The following NDUFAF6 variants were observed in gnomAD, a reference collection of about 807,000 sequenced individuals.
NDUFAF6 encodes NADH dehydrogenase (ubiquinone) complex I, assembly factor 6.
NDUFAF6 carries 45 observed loss-of-function variants against 40.8 expected under a neutral mutation model. That is an observed-to-expected ratio of 1.10 (90% CI 0.87 to 1.42). NDUFAF6 has a LOEUF of 1.42. Ranked by LOEUF, NDUFAF6 falls within the 40% of genes most tolerant of loss-of-function variation. The pLI, the probability that NDUFAF6 is intolerant of heterozygous loss-of-function variation, is 0.00. For missense variants in NDUFAF6, 435 were observed against 418.5 expected (o/e 1.04, Z -0.34); for synonymous variants, 185 against 155.9 (o/e 1.19, Z -1.39).
At chr8:94,920,404 G>T (rs1819421273) in intron 1 of NDUFAF6, among the ~76,000 whole-genome samples, 1 of 152,208 alleles carries the variant, frequency 6.6e-6, no homozygotes, top group Non-Finnish European at 1.5e-5. Flanking sequence ...GGCTCCTCTT[G>T]CAGTATCCTC....
chr8:95,004,349 C>CT (rs11422482), intron 2 of NDUFAF6, among the ~76,000 whole-genome samples: 54,074 of 91,660 alleles, frequency 0.59, 16,920 homozygotes, highest in East Asian at 0.77. Flanking sequence ...CTCACCATTA[C>CT]TTTTTTTTTT....
At chr8:95,054,732 G>A (rs1412596596) in intron 8 of NDUFAF6, among the ~76,000 whole-genome samples, 1 of 152,206 alleles carries the variant, frequency 6.6e-6, no homozygotes, top group Non-Finnish European at 1.5e-5. Context: ...ACTGTGCCCA[G>A]CCCCAGCTCT....
chr8:95,047,204 T>TA (rs1830875315), intron 6 of NDUFAF6, 77 bp downstream of exon 6: 16 of 1,595,522 alleles, frequency 1.0e-5, no homozygotes, highest in Non-Finnish European at 1.4e-5. Flanking sequence ...CTTTTTTGCT[T>TA]AGTCTATTCA....
intron 2 of NDUFAF6, among the ~76,000 whole-genome samples, chr8:94,947,751 A>G (rs1822148328): frequency 6.6e-6 from 1 of 152,246 alleles, no homozygotes; most frequent in Non-Finnish European, 1.5e-5. Flanking sequence ...ATAATCTTGA[A>G]TTTTGAAAGC....
chr8:94,992,773 T>C (rs1826252349), intron 2 of NDUFAF6, among the ~76,000 whole-genome samples: 1 of 152,236 alleles, frequency 6.6e-6, no homozygotes, highest in Admixed American at 6.5e-5. Context: ...CGCTCATAAT[T>C]CTCTGATCCT....
At chr8:95,032,232 T>C (rs1382323022) in intron 2 of NDUFAF6, 138 bp downstream of exon 2, 2 of 763,378 alleles carry the variant, frequency 2.6e-6, no homozygotes, top group Admixed American at 2.0e-5. Flanking sequence ...TTTTCCCTGC[T>C]AACTGTTTAG....
chr8:95,017,684 T>C (rs905940517), intron 2 of NDUFAF6, among the ~76,000 whole-genome samples: 1 of 152,208 alleles, frequency 6.6e-6, no homozygotes, highest in African/African-American at 2.4e-5. Context: ...ATAACAAAAG[T>C]GTTTATCTGC....
At chr8:95,095,810 G>A (rs1186455113), upstream of NDUFAF6, among the ~76,000 whole-genome samples, 1 of 151,856 alleles carries the variant, frequency 6.6e-6, no homozygotes, top group African/African-American at 2.4e-5. Context: ...GATTACAGGC[G>A]CCTGCCACCA....
chr8:94,905,454 TGA>T (rs1563697113), intron 1 of NDUFAF6, among the ~76,000 whole-genome samples: 1 of 152,116 alleles, frequency 6.6e-6, no homozygotes, highest in Admixed American at 6.5e-5. Context: ...TCTGTTGTAG[TGA>T]GAGGCCTACT....
At chr8:94,912,055 G>GT (rs1818818654) in intron 1 of NDUFAF6, among the ~76,000 whole-genome samples, 1 of 152,124 alleles carries the variant, frequency 6.6e-6, no homozygotes, top group African/African-American at 2.4e-5. Flanking sequence ...CATTTAGGAG[G>GT]TATTACCACC....
chr8:94,931,717 G>A (rs1450954679), intron 1 of NDUFAF6, among the ~76,000 whole-genome samples: 1 of 152,152 alleles, frequency 6.6e-6, no homozygotes, highest in African/African-American at 2.4e-5. Flanking sequence ...GCTCGCTCTT[G>A]TAATCCCAAC....
chr8:95,076,407 G>A (rs149603323), downstream of NDUFAF6, among the ~76,000 whole-genome samples: 79 of 152,274 alleles, frequency 5.2e-4, no homozygotes, highest in African/African-American at 1.7e-3. Context: ...TGCCCTGGTC[G>A]TGCCAGTCTC....
intron 1 of NDUFAF6, among the ~76,000 whole-genome samples, chr8:94,969,082 A>C (rs905068104): frequency 1.3e-5 from 2 of 152,158 alleles, no homozygotes; most frequent in African/African-American, 4.8e-5. Flanking sequence ...TGGAGTCTGG[A>C]GTTCCGATGA....
intron 2 of NDUFAF6, among the ~76,000 whole-genome samples, chr8:94,952,746 A>G (rs1217129842): frequency 6.6e-6 from 1 of 152,232 alleles, no homozygotes; most frequent in Non-Finnish European, 1.5e-5. Context: ...AAGACCCTGC[A>G]ACCTTTGTGA....
At chr8:94,924,395 T>C (rs1450318632) in intron 1 of NDUFAF6, among the ~76,000 whole-genome samples, 1 of 152,188 alleles carries the variant, frequency 6.6e-6, no homozygotes, top group Non-Finnish European at 1.5e-5. Context: ...CATTGACCTC[T>C]ATTGTGGGGA....
At chr8:95,105,622 C>T (rs116926758), downstream of NDUFAF6, among the ~76,000 whole-genome samples, 4,710 of 152,228 alleles carry the variant, frequency 0.031, 97 homozygotes, top group Non-Finnish European at 0.048. Flanking sequence ...CTGCCTCGGC[C>T]TTCTGAGTAC....
chr8:95,072,516 T>C (rs2132036871), intron 9 of NDUFAF6, among the ~76,000 whole-genome samples: 1 of 152,348 alleles, frequency 6.6e-6, no homozygotes, highest in African/African-American at 2.4e-5. Flanking sequence ...AGAGTAGAGT[T>C]GACCATGTTT....
chr8:95,023,361 A>G (rs1378774540), upstream of NDUFAF6: 1 of 152,226 alleles, frequency 6.6e-6, no homozygotes, highest in Non-Finnish European at 1.5e-5. Flanking sequence ...TGAATTGGTT[A>G]GAGTTCTTAG....
intron 1 of NDUFAF6, among the ~76,000 whole-genome samples, chr8:94,900,833 G>A (rs1471344424): frequency 6.6e-6 from 1 of 152,162 alleles, no homozygotes; most frequent in African/African-American, 2.4e-5. Flanking sequence ...TGCAGGGGCG[G>A]GGAGTGATCT....
Sources: allele counts gnomAD v4.1 joint callset (sites outside exome capture counted in the v4.1 genomes callset), GRCh38; gene constraint gnomAD v4.1.1; transcripts MANE v1.5; gene names NCBI Gene and HGNC (gene_info 2026-07-23, HGNC 2026-07-21).